The following PLK5 variants were observed in gnomAD, a reference collection of about 807,000 sequenced individuals.
The protein encoded by PLK5 is polo like kinase 5 (inactive), also known as inactive serine/threonine-protein kinase PLK5.
In PLK5, 28 loss-of-function variants were observed where a neutral mutation model predicts 33.7. The ratio of observed to expected loss-of-function variants is 0.83; its 90% confidence interval spans 0.62 to 1.14. PLK5 has a LOEUF of 1.14. Ranked by LOEUF, PLK5 falls within the 50% of genes most tolerant of loss-of-function variation. PLK5 has a pLI of 0.00. For synonymous variants in PLK5, 225 were observed against 202.2 expected (o/e 1.11, Z -0.96); for missense variants, 492 against 461.5 (o/e 1.07, Z -0.61).
chr19:1,527,418 T>C (rs916318140), intron 6 of PLK5, among the ~76,000 whole-genome samples: 2 of 151,896 alleles, frequency 1.3e-5, no homozygotes, highest in African/African-American at 2.4e-5. Flanking sequence ...CCTGGCCAAG[T>C]TGGTGAAACC....
chr19:1,528,984 CG>C lies in PLK5; in HGVS notation c.405+14del. On this transcript the variant is annotated intron_variant, in intron 9 of 13. Coordinates refer to ENST00000454744, the MANE Select transcript of PLK5 (RefSeq NM_001243079.2). Reference sequence around the variant, plus strand: ...GGAGTGGGACGGCGAGGTGAGACATCGGGGTGGGGGACACGGGGAGACACAG... The same window carrying C: ...GGAGTGGGACGGCGAGGTGAGACATCGGGTGGGGGACACGGGGAGACACAG... 6.7e-7 allele frequency: 1 copy of C among 1,500,628 alleles called. No individual in the cohort carries two copies. The highest frequency in any genetic ancestry group is 8.8e-7 in the Non-Finnish European group (1 of 1,130,118). The allele number at this position is 1,500,628 out of a possible 1,614,324, so 93.0% of individuals were successfully genotyped here. A position where few individuals can be genotyped will look rare whatever the true frequency, so the allele number is the denominator to read the frequency against.
intron 5 of PLK5, 50 bp from the exon 6 acceptor site, chr19:1,526,853 C>T: frequency 9.4e-7 from 1 of 1,059,702 alleles, no homozygotes; most frequent in Non-Finnish European, 1.4e-6. Context: ...GCCCTGAAGT[C>T]TGGCACGGGG....
chr19:1,526,400 T>C, intron 3 of PLK5, 86 bp from the exon 4 acceptor site: 1 of 199,744 alleles, frequency 5.0e-6, no homozygotes, highest in Admixed American at 5.4e-5. Context: ...TGCGCTCACC[T>C]GTGCTCATCC....
At chr19:1,532,116 A>G (rs1247277922) in intron 12 of PLK5, among the ~76,000 whole-genome samples, 1 of 152,138 alleles carries the variant, frequency 6.6e-6, no homozygotes, top group Non-Finnish European at 1.5e-5. Flanking sequence ...GGGGAAGGGG[A>G]AGGGGTCTCT....
rs1333664865 is a variant in PLK5 at position 1,529,505 on chromosome 19, G to A, written c.490+15G>A. The A allele has an allele frequency of 1.1e-5, 17 of 1,532,644 alleles. No individual in the cohort carries two copies. Among genetic ancestry groups the A allele is most frequent in the Admixed American group, 7.8e-5 (4 of 50,980 alleles). The allele number at this position is 1,532,644 out of a possible 1,614,324, so 94.9% of individuals were successfully genotyped here. A position where few individuals can be genotyped will look rare whatever the true frequency, so the allele number is the denominator to read the frequency against. ...TGACCTGGCCGGTGAGCAGATCCCC[G>A]TCCCAGCCCGGGGCTGCAGGTGGGG... On this transcript the variant is annotated intron_variant, in intron 10 of 13. Coordinates refer to ENST00000454744, the MANE Select transcript of PLK5 (RefSeq NM_001243079.2).
chr19:1,524,133 C>A lies in PLK5; in HGVS notation c.-657C>A, dbSNP rs528733152. 7.1e-4 allele frequency: 107 copies of A among 150,994 alleles called. No individual in the cohort carries two copies. Among genetic ancestry groups the A allele is most frequent in the African/African-American group, 2.2e-3 (92 of 41,396 alleles). The allele number at this position is 150,994 out of a possible 1,614,324, so 9.4% of individuals were successfully genotyped here. ...GTCTCGGCCCGGCTGCGCCAGAGTC[C>A]GCGCGATGGAGCCCCGGCCGCGGCG... On this transcript the variant is annotated 5_prime_UTR_variant, in exon 1 of 14. Transcript: ENST00000454744. The surrounding 1 kb of genome is among the most constrained non-coding windows in gnomAD (Gnocchi z 4.5).
At chr19:1,534,101 T>A in intron 13 of PLK5, 60 bp downstream of exon 13, 1 of 1,334,022 alleles carries the variant, frequency 7.5e-7, no homozygotes, top group East Asian at 2.5e-5. Flanking sequence ...CTGGCCTGCC[T>A]GGGCTGTTAC....
intron 12 of PLK5, 133 bp downstream of exon 12, chr19:1,532,016 C>G (rs1051509073): frequency 9.6e-7 from 1 of 1,039,858 alleles, no homozygotes; most frequent in East Asian, 3.2e-5. Context: ...GAGAACAACA[C>G]TAAACGAATC....
At position 1,531,786 on chromosome 19, in the gene PLK5, A is replaced by G. The variant is rs970595347; in HGVS notation, c.617A>G (p.Lys206Arg). Reference sequence around the variant, plus strand: ...CAGCAGCCCATCCTCTGGGCCCCCAAATGGGTGGATTATTCCAGCAAATAC... The same window carrying G: ...CAGCAGCCCATCCTCTGGGCCCCCAGATGGGTGGATTATTCCAGCAAATAC... ...GEQQPILWAP[K>R]WVDYSSKYGF... Residue 206 changes from lysine to arginine, a missense_variant, in exon 12 of 14, where the codon AAA becomes AGA. Transcript: ENST00000454744. 2 of 1,535,554 alleles carry G rather than the reference A, an allele frequency of 1.3e-6. No individual in the cohort carries two copies. Among genetic ancestry groups the G allele is most frequent in the Middle Eastern group, 1.7e-4 (1 of 5,982 alleles).
At chr19:1,528,223 C>T (rs1913804190) in intron 7 of PLK5, 79 bp from the exon 8 acceptor site, 3 of 1,534,222 alleles carry the variant, frequency 2.0e-6, no homozygotes, top group East Asian at 2.4e-5. Context: ...CGAGGGAGGC[C>T]CCGCCCTGTC....
intron 13 of PLK5, 50 bp from the exon 14 acceptor site, chr19:1,535,015 C>A: frequency 7.0e-7 from 1 of 1,426,466 alleles, no homozygotes; most frequent in Non-Finnish European, 9.2e-7. Flanking sequence ...CGGCTGGAGG[C>A]AGGTGCAGGG....
chr19:1,528,275 G>A (rs1229870279), intron 7 of PLK5, 27 bp from the exon 8 acceptor site: 2 of 1,535,872 alleles, frequency 1.3e-6, no homozygotes, highest in Admixed American at 3.9e-5. Context: ...ACCTAAGCCG[G>A]GGATAACCCC....
intron 9 of PLK5, 192 bp downstream of exon 9, chr19:1,529,166 TC>T: frequency 1.5e-6 from 1 of 655,814 alleles, no homozygotes; most frequent in Non-Finnish European, 2.6e-6. Flanking sequence ...ACCTGGGCTT[TC>T]CCAAGGGCCG....
rs1913853415 is a variant in PLK5, at chr19:1,529,309, G to A, written c.406-97G>A. On this transcript the variant is annotated intron_variant, in intron 9 of 13. Transcript: ENST00000454744. ...AGCAGTGCCTCTGTGTGCAGAGCACGGAGGGCACAGGCAGGGGCCAGAGCC... is the reference window on the plus strand; with the variant it reads ...AGCAGTGCCTCTGTGTGCAGAGCACAGAGGGCACAGGCAGGGGCCAGAGCC... The A allele has an allele frequency of 3.6e-6, 4 of 1,097,984 alleles. No homozygotes were observed. In the African/African-American group the frequency reaches 4.7e-5, roughly 13 times the overall value. 68.0% of individuals were successfully genotyped at this position (1,097,984 alleles called of 1,614,324 possible). A position where few individuals can be genotyped will look rare whatever the true frequency, so the allele number is the denominator to read the frequency against.
At chr19:1,530,740 C>T (rs1310821176) in intron 11 of PLK5, among the ~76,000 whole-genome samples, 1 of 151,132 alleles carries the variant, frequency 6.6e-6, no homozygotes, top group Non-Finnish European at 1.5e-5. Flanking sequence ...CTGCCTCAGC[C>T]TCCCCAGCAG....
intron 6 of PLK5, among the ~76,000 whole-genome samples, chr19:1,527,367 C>T (rs1330072826): frequency 6.6e-6 from 1 of 151,978 alleles, no homozygotes; most frequent in East Asian, 1.9e-4. Context: ...TTTGGGAGGC[C>T]GAGGCAGGAG....
intron 13 of PLK5, among the ~76,000 whole-genome samples, chr19:1,534,253 A>G (rs1349339735): frequency 6.6e-6 from 1 of 152,070 alleles, no homozygotes; most frequent in East Asian, 1.9e-4. Context: ...CCACACCTCT[A>G]ATCCCAGTGC....
intron 3 of PLK5, among the ~76,000 whole-genome samples, chr19:1,526,044 A>C (rs1260712179): frequency 6.6e-6 from 1 of 152,014 alleles, no homozygotes; most frequent in East Asian, 1.9e-4. Context: ...ACCCACCAGC[A>C]TGCCCCTGTG....
At chr19:1,533,659 A>G (rs974822767) in intron 12 of PLK5, 7 of 553,428 alleles carry the variant, frequency 1.3e-5, no homozygotes, top group African/African-American at 1.1e-4. Context: ...GTGTAGGTCA[A>G]TGGAAGGGTG....
Sources: gnomAD v4.1 joint callset for allele counts (sites outside exome capture counted in the v4.1 genomes callset) on GRCh38, gnomAD v4.1.1 for gene constraint, Gnocchi (gnomAD v3.1) non-coding constraint, MANE v1.5 for transcripts, NCBI Gene and HGNC (gene_info 2026-07-23, HGNC 2026-07-21) for gene names.